SHOX: variants seen among roughly 807,000 people sequenced by gnomAD.
SHOX encodes short stature homeobox protein.
SHOX carries 12 observed loss-of-function variants against 29.6 expected under a neutral mutation model. The ratio of observed to expected loss-of-function variants is 0.41; its 90% CI spans 0.26 to 0.66. SHOX has a LOEUF of 0.66. Among genes scored for constraint, SHOX ranks in the 30% least tolerant of loss-of-function variants. SHOX has a pLI of 0.35. For missense variants in SHOX, 499 were observed against 437.7 expected, an observed-to-expected ratio of 1.14 and a Z score of -1.25; for synonymous variants, 214 against 200.6, an observed-to-expected ratio of 1.07 and a Z score of -0.57.
chrX:625,647 C>T (rs1296757103), intron 1 of SHOX, among the ~76,000 whole-genome samples: 2 of 148,744 alleles, frequency 1.3e-5, no homozygotes, highest in African/African-American at 5.0e-5. Flanking sequence ...ATCTCTGTCT[C>T]TCTTTCTCTC....
intron 2 of SHOX, among the ~76,000 whole-genome samples, chrX:636,951 T>A (rs868783236): frequency 2.9e-5 from 4 of 139,318 alleles, no homozygotes; most frequent in South Asian, 2.2e-4. Context: ...TTTAAAAATA[T>A]ATATATATAT....
chrX:644,431 A>G lies in SHOX; in HGVS notation c.674A>G (p.His225Arg). ...CAGCTGGAAGGCGTGGCCCACGCGC[A>G]CCCGCACCTGCACCCGCACCTGGCG... is the stretch of plus-strand genomic sequence containing the variant. ...QLQLEGVAHA[H>R]PHLHPHLAAH... The change falls in exon 5 of 5, where the codon CAC (histidine) becomes CGC (arginine). Residue 225 changes from histidine (H) to arginine (R), a missense_variant. By Grantham distance (29) the His-to-Arg change is conservative. Coordinates refer to ENST00000686671, the MANE Select transcript of SHOX (RefSeq NM_000451.4). The G allele has an allele frequency of 6.6e-7, 1 of 1,520,830 alleles. No homozygotes were observed. Among genetic ancestry groups the G allele is most frequent in the African/African-American group, 1.4e-5 (1 of 70,244 alleles). The allele number at this position is 1,520,830 out of a possible 1,614,324, so 94.2% of individuals were successfully genotyped here. A position where few individuals can be genotyped will look rare whatever the true frequency, so the allele number is the denominator to read the frequency against.
At chrX:644,293 G>A in intron 4 of SHOX, 98 bp from the exon 5 acceptor site, 1 of 1,392,094 alleles carries the variant, frequency 7.2e-7, no homozygotes, top group Non-Finnish European at 9.4e-7. Flanking sequence ...CGCTCCCTAG[G>A]GGAGAAGAGG....
At chrX:637,337 A>G (rs2052776595) in intron 2 of SHOX, among the ~76,000 whole-genome samples, 1 of 152,142 alleles carries the variant, frequency 6.6e-6, no homozygotes, top group South Asian at 2.1e-4. Context: ...GGGATCTGCA[A>G]TATATCCCAG....
intron 1 of SHOX, among the ~76,000 whole-genome samples, chrX:631,467 G>T (rs1160756577): frequency 6.6e-6 from 1 of 152,158 alleles, no homozygotes; most frequent in East Asian, 1.9e-4. Context: ...GATCCGGGTG[G>T]CTGTGCCTGA....
rs2052993120 is a variant in SHOX at position 648,393 on chromosome X, T to A, written c.*3757T>A. Among the ~76,000 whole-genome samples the A allele has an allele frequency of 6.6e-6, 1 of 152,252 alleles. No homozygotes were observed. The highest frequency in any genetic ancestry group is 2.4e-5 in the African/African-American group (1 of 41,530). ...GCACCTGCCACCAGGCCTGGGTAAT[T>A]TTTTTGCATTTTTGGTAGAGACAGG... On this transcript the variant is annotated 3_prime_UTR_variant, in exon 5 of 5. Coordinates refer to ENST00000686671, the MANE Select transcript of SHOX (RefSeq NM_000451.4).
At chrX:654,935 G>A (rs945814038), downstream of SHOX, among the ~76,000 whole-genome samples, 23 of 146,606 alleles carry the variant, frequency 1.6e-4, no homozygotes, top group African/African-American at 1.9e-4. Context: ...TGATCCACCC[G>A]CCTCAGCCTC....
upstream of SHOX, among the ~76,000 whole-genome samples, chrX:629,746 C>A (rs1400985105): frequency 6.6e-6 from 1 of 152,132 alleles, no homozygotes; most frequent in Non-Finnish European, 1.5e-5. Flanking sequence ...GGACTCCGGG[C>A]CTCCTGGTGC....
At chrX:653,935 G>A (rs1238537714), downstream of SHOX, among the ~76,000 whole-genome samples, 1 of 151,934 alleles carries the variant, frequency 6.6e-6, no homozygotes. Flanking sequence ...AAAAAAAGTT[G>A]TTTTAAACTT....
chrX:632,434 C>T (rs2052667144), intron 1 of SHOX, among the ~76,000 whole-genome samples: 1 of 152,164 alleles, frequency 6.6e-6, no homozygotes, highest in African/African-American at 2.4e-5. Flanking sequence ...GCTATGGACG[C>T]CTGTTATGTT....
chrX:641,287 C>T (rs1427442813), intron 4 of SHOX, among the ~76,000 whole-genome samples, 200 bp downstream of exon 4: 5 of 152,102 alleles, frequency 3.3e-5, no homozygotes, highest in Admixed American at 2.6e-4. Flanking sequence ...CTGGGCCAGG[C>T]GGGGTGGCTC....
rs1283826411 is a variant in SHOX at position 643,451 on chromosome X, G to A, written c.634-940G>A. Among the ~76,000 whole-genome samples the A allele has an allele frequency of 2.0e-5, 3 of 146,940 alleles. No homozygotes were observed. In the South Asian group the frequency reaches 6.6e-4, roughly 33 times the overall value. On this transcript the variant is annotated intron_variant, in intron 4 of 4. Coordinates refer to ENST00000686671, the MANE Select transcript of SHOX (RefSeq NM_000451.4). Reference sequence around the variant, plus strand: ...GAGAGGCCTGGGGACCTGGTGACCCGGGAGAGCCTTGGGGACCTGGTGTCC... The same window carrying A: ...GAGAGGCCTGGGGACCTGGTGACCCAGGAGAGCCTTGGGGACCTGGTGTCC...
chrX:644,048 T>C, intron 4 of SHOX, among the ~76,000 whole-genome samples: 1 of 151,626 alleles, frequency 6.6e-6, no homozygotes, highest in South Asian at 2.1e-4. Context: ...GGGGGCTGGT[T>C]GGGGGAGAGA....
upstream of SHOX, among the ~76,000 whole-genome samples, chrX:626,846 G>T (rs1317182623): frequency 8.0e-6 from 1 of 124,968 alleles, no homozygotes; most frequent in African/African-American, 3.2e-5. Flanking sequence ...TTCTGTCTCT[G>T]TCTCTCTGTC....
rs1032520855 is a variant in SHOX, at chrX:648,291, T to C, written c.*3655T>C. Among the ~76,000 whole-genome samples, 8 of 148,228 alleles carry C rather than the reference T, an allele frequency of 5.4e-5. No individual in the cohort carries two copies. Among genetic ancestry groups the C allele is most frequent in the African/African-American group, 1.8e-4 (7 of 39,718 alleles). ...CTGAGTAGCTGGGATTACAGGCACC[T>C]GCCACCAGGCCTGGGTAACTTTCTG... is the stretch of plus-strand genomic sequence containing the variant. On this transcript the variant is annotated 3_prime_UTR_variant, in exon 5 of 5. Transcript: ENST00000686671.
At chrX:652,002 G>A (rs762916204), downstream of SHOX, among the ~76,000 whole-genome samples, 30 of 151,880 alleles carry the variant, frequency 2.0e-4, 2 homozygotes, top group East Asian at 3.1e-3. Flanking sequence ...GGCTCACCGC[G>A]ACCTCCGCCT....
intron 5 of SHOX, among the ~76,000 whole-genome samples, chrX:656,838 G>A (rs59561811): frequency 1.5e-5 from 1 of 68,140 alleles, no homozygotes; most frequent in African/African-American, 5.8e-5. Flanking sequence ...GCAAGACTCC[G>A]TCTCAAAAAA....
downstream of SHOX, among the ~76,000 whole-genome samples, chrX:652,286 CA>C (rs1479481965): frequency 7.0e-6 from 1 of 142,108 alleles, no homozygotes. Context: ...ATTTTTGAGA[CA>C]AAAAATATAA....
chrX:636,402 TA>T (rs978224626), intron 2 of SHOX, among the ~76,000 whole-genome samples: 3 of 136,890 alleles, frequency 2.2e-5, no homozygotes, highest in African/African-American at 8.4e-5. Context: ...TAAATATATA[TA>T]AAAACATATA....
Sources: gnomAD v4.1 joint callset for allele counts (sites outside exome capture counted in the v4.1 genomes callset) on GRCh38, gnomAD v4.1.1 for gene constraint, MANE v1.5 for transcripts, NCBI Gene and HGNC (gene_info 2026-07-23, HGNC 2026-07-21) for gene names.